ZFHX3: variants seen among roughly 807,000 people sequenced by gnomAD.
ZFHX3 encodes the protein zinc finger homeobox 3, also known as zinc finger homeobox protein 3.
Under a neutral mutation model 279.1 loss-of-function variants are expected in ZFHX3, and 42 were observed. The ratio of observed to expected loss-of-function variants is 0.15; its 90% CI spans 0.12 to 0.19. The LOEUF is 0.19. Among genes scored for constraint, ZFHX3 ranks in the 10% least tolerant of loss-of-function variants. The pLI is 1.00. For synonymous variants in ZFHX3, 2,293 were observed against 1,957.8 expected, an observed-to-expected ratio of 1.17 and a Z score of -4.52; for missense variants, 4,981 against 4,754.0, an observed-to-expected ratio of 1.05 and a Z score of -1.40.
At chr16:73,766,676 G>A (rs2053947545) in intron 1 of ZFHX3, among the ~76,000 whole-genome samples, 3 of 152,134 alleles carry the variant, frequency 2.0e-5, no homozygotes, top group African/African-American at 7.2e-5. Context: ...GAAGGTGAGT[G>A]GAAACATAAC....
At chr16:73,324,821 C>T (rs2015647681) in intron 3 of ZFHX3, among the ~76,000 whole-genome samples, 1 of 152,134 alleles carries the variant, frequency 6.6e-6, no homozygotes, top group Non-Finnish European at 1.5e-5. Flanking sequence ...TTTCTAGGCC[C>T]TGGGTGTGGA....
In ZFHX3 at chr16:73,888,350, G is replaced by C. The variant is rs1032296910; in HGVS notation, c.-1608+3301C>G. Among the ~76,000 whole-genome samples, 3 of 152,056 alleles carry C rather than the reference G, an allele frequency of 2.0e-5. No homozygotes were observed. In the East Asian group the frequency reaches 5.8e-4, roughly 29 times the overall value. On this transcript the variant is annotated intron_variant, in intron 1 of 17. Coordinates refer to the ZFHX3 transcript ENST00000641206. The stretch of plus-strand genomic sequence containing the variant: ...TTTTATTTTTCAGATCTACATGCTT[G>C]CGAGGGAATACGGCTTTTGCCATAG...
chr16:73,034,471 T>C (rs942456869), intron 1 of ZFHX3, among the ~76,000 whole-genome samples: 3 of 152,186 alleles, frequency 2.0e-5, no homozygotes, highest in African/African-American at 7.2e-5. Context: ...CGGAAGCCTG[T>C]GTGTGTGGTG....
chr16:73,319,843 G>A (rs2015537175), intron 3 of ZFHX3, among the ~76,000 whole-genome samples: 3 of 152,228 alleles, frequency 2.0e-5, no homozygotes, highest in Middle Eastern at 3.2e-3. Context: ...AGAGGAGAGA[G>A]ACAGAGAGAA....
chr16:73,617,937 G>T (rs1315185832), intron 2 of ZFHX3, among the ~76,000 whole-genome samples: 2 of 152,080 alleles, frequency 1.3e-5, no homozygotes, highest in Admixed American at 1.3e-4. Context: ...GACTCCCAAG[G>T]CAGTGCTACC....
chr16:73,595,308 A>C (rs1567528560), intron 2 of ZFHX3, among the ~76,000 whole-genome samples: 2 of 152,110 alleles, frequency 1.3e-5, no homozygotes, highest in Non-Finnish European at 2.9e-5. Context: ...ATGGCCTCAA[A>C]TGTCCTCTAG....
intron 1 of ZFHX3, among the ~76,000 whole-genome samples, chr16:73,737,969 T>C (rs535547722): frequency 6.6e-6 from 1 of 152,044 alleles, no homozygotes; most frequent in South Asian, 2.1e-4. Context: ...AAAGGTTTGG[T>C]GGGGGAGGAG....
Position 72,800,098 on chromosome 16 carries a change from C to T in ZFHX3, c.3896G>A (p.Ser1299Asn). The T allele has an allele frequency of 1.9e-6, 3 of 1,614,142 alleles. No homozygotes were observed. Among genetic ancestry groups the T allele is most frequent in the Non-Finnish European group, 2.5e-6 (3 of 1,180,018 alleles). The change falls in exon 8 of 10, where the codon AGC (serine) becomes AAC (asparagine). Residue 1299 changes from serine (S) to asparagine (N), a missense_variant. By Grantham distance (46) the Ser-to-Asn change is conservative. This residue lies in a region of ZFHX3 where 1,751 missense variants were observed against 1,770.0 expected (regional missense o/e 0.99). Coordinates refer to ENST00000268489, the MANE Select transcript of ZFHX3 (RefSeq NM_006885.4). The part of the protein sequence containing the change: ...VTTPEMVMPS[S>N]MFLPAAVPDR... ...TGGAACAGCTGCTGGGAGGAACATG[C>T]TGCTTGGCATCACCATCTCAGGGGT...
At chr16:73,487,535 G>A (rs936603136) in intron 2 of ZFHX3, 3 of 343,984 alleles carry the variant, frequency 8.7e-6, no homozygotes, top group Non-Finnish European at 1.7e-5. Flanking sequence ...TGAGTAGCTG[G>A]GACCACAGGC....
chr16:73,468,265 C>T (rs1030064786), intron 2 of ZFHX3, among the ~76,000 whole-genome samples: 2 of 152,102 alleles, frequency 1.3e-5, no homozygotes, highest in Admixed American at 6.6e-5. Flanking sequence ...GATGACTGTC[C>T]CCATCTTCCA....
At chr16:73,731,878 T>C (rs1166321204) in intron 1 of ZFHX3, among the ~76,000 whole-genome samples, 1 of 152,176 alleles carries the variant, frequency 6.6e-6, no homozygotes, top group Admixed American at 6.5e-5. Flanking sequence ...AAGGATAGAC[T>C]GGAAAGAGCT....
chr16:72,787,694 A>AGCCGCC lies in ZFHX3; in HGVS notation c.10576_10581dup (p.Gly3526_Gly3527dup), dbSNP rs374416547. 8.0e-3 allele frequency: 11,301 copies of AGCCGCC among 1,417,094 alleles called. 434 individuals carry two copies. The highest frequency in any genetic ancestry group is 0.077 in the South Asian group (4,073 of 53,164). 87.8% of individuals were successfully genotyped at this position (1,417,094 alleles called of 1,614,324 possible). ...CTCTCGCACGCCAGGCAGTGGTACGAGCCGCCGCCGCCGCCGCCGCCGCCA... is the reference window on the plus strand; with the variant it reads ...CTCTCGCACGCCAGGCAGTGGTACGAGCCGCCGCCGCCGCCGCCGCCGCCGCCGCCA... On this transcript the variant is annotated inframe_insertion, in exon 10 of 10. Coordinates refer to ENST00000268489, the MANE Select transcript of ZFHX3 (RefSeq NM_006885.4).
At chr16:73,767,175 G>C (rs971580460) in intron 1 of ZFHX3, among the ~76,000 whole-genome samples, 2 of 152,042 alleles carry the variant, frequency 1.3e-5, no homozygotes, top group African/African-American at 4.8e-5. Flanking sequence ...GACCTCAAGT[G>C]ATCTGCCCAC....
At chr16:73,574,514 T>C (rs1214965455) in intron 2 of ZFHX3, among the ~76,000 whole-genome samples, 3 of 152,192 alleles carry the variant, frequency 2.0e-5, no homozygotes, top group African/African-American at 4.8e-5. Flanking sequence ...ACCAGGTACT[T>C]GTACATTTAA....
chr16:72,800,364 C>T (rs2036058702), intron 7 of ZFHX3, among the ~76,000 whole-genome samples: 1 of 152,150 alleles, frequency 6.6e-6, no homozygotes, highest in African/African-American at 2.4e-5. Context: ...GAATAATCTT[C>T]TTATTAATAT....
rs1597021938 is a variant in ZFHX3, at chr16:73,602,728, C to T, written c.-1547+77452G>A. On this transcript the variant is annotated intron_variant, in intron 2 of 17. Coordinates refer to the ZFHX3 transcript ENST00000641206. ...TTGGGAGGCTCAGGGGGGCAGATCA[C>T]GAGGTCAGGAGTTCAAGACCGGCCT... is the stretch of plus-strand genomic sequence containing the variant. Among the ~76,000 whole-genome samples, 6 of 151,858 alleles carry T rather than the reference C, an allele frequency of 4.0e-5. 1 individual carries two copies. Among genetic ancestry groups the T allele is most frequent in the Admixed American group, 3.3e-4 (5 of 15,226 alleles).
chr16:73,314,569 C>T (rs1277406291), intron 4 of ZFHX3, among the ~76,000 whole-genome samples: 1 of 152,118 alleles, frequency 6.6e-6, no homozygotes, highest in East Asian at 1.9e-4. Context: ...TCTGGAGCTC[C>T]TTCCTCTCAA....
chr16:72,959,067 G>T lies in ZFHX3; in HGVS notation c.1079C>A (p.Pro360His). ...PLVSTANLIG[P>H]GHSFYGKFSG... ...AAATTTACCATAAAAACTGTGTCCG[G>T]GGCCTATGAGGTTAGCTGTGGAAAC... Residue 360 changes from proline to histidine, a missense_variant, in exon 2 of 10, where the codon CCC (proline) becomes CAC (histidine). Pro to His is a moderately conservative substitution (Grantham distance 77). Coordinates refer to ENST00000268489, the MANE Select transcript of ZFHX3 (RefSeq NM_006885.4). The T allele has an allele frequency of 6.2e-7, 1 of 1,614,202 alleles. No individual in the cohort carries two copies. Among genetic ancestry groups the T allele is most frequent in the Non-Finnish European group, 8.5e-7 (1 of 1,180,034 alleles).
At chr16:73,817,443 T>A (rs328345) in intron 1 of ZFHX3, among the ~76,000 whole-genome samples, 3 of 152,030 alleles carry the variant, frequency 2.0e-5, no homozygotes, top group Admixed American at 2.0e-4. Flanking sequence ...AGTACATAGT[T>A]GGCTATTATC....
Sources: allele counts gnomAD v4.1 joint callset (sites outside exome capture counted in the v4.1 genomes callset), GRCh38; gene constraint gnomAD v4.1.1; regional missense constraint gnomAD v4.1.1; transcripts MANE v1.5; gene names NCBI Gene and HGNC (gene_info 2026-07-23, HGNC 2026-07-21).